Variants in NDUFAB1 observed in about 807,000 individuals in gnomAD.
NDUFAB1 encodes NADH:ubiquinone oxidoreductase subunit AB1, also known as acyl carrier protein, mitochondrial.
A neutral mutation model predicts 16.1 loss-of-function variants in NDUFAB1; 5 were observed. The ratio of observed to expected loss-of-function variants is 0.31; its 90% CI spans 0.16 to 0.65. The LOEUF is 0.65. Among genes scored for constraint, NDUFAB1 ranks in the 30% least tolerant of loss-of-function variants. The pLI, the probability that NDUFAB1 is intolerant of heterozygous loss-of-function variation, is 0.77. For missense variants in NDUFAB1, 187 were observed against 205.3 expected (o/e 0.91, Z 0.54); for synonymous variants, 85 against 78.4 (o/e 1.08, Z -0.44).
intron 1 of NDUFAB1, among the ~76,000 whole-genome samples, chr16:23,589,962 A>AAAAG (rs1567408991): frequency 2.3e-5 from 3 of 132,180 alleles, no homozygotes; most frequent in African/African-American, 8.7e-5. Context: ...AAAAAAAAAA[A>AAAAG]AAAGAAATGG....
intron 2 of NDUFAB1, among the ~76,000 whole-genome samples, chr16:23,586,730 C>A (rs1291892243): frequency 6.6e-6 from 1 of 152,094 alleles, no homozygotes; most frequent in African/African-American, 2.4e-5. Context: ...CTCACTGCAA[C>A]CTCCACCTCC....
At chr16:23,595,049 A>T (rs1966311942) in intron 1 of NDUFAB1, among the ~76,000 whole-genome samples, 1 of 151,918 alleles carries the variant, frequency 6.6e-6, no homozygotes, top group Admixed American at 6.6e-5. Context: ...TCGGGAGTTC[A>T]AGACCAACCT....
At position 23,584,254 on chromosome 16, in the gene NDUFAB1, T is replaced by TAAA. The variant is rs774895056; in HGVS notation, c.379+1081_379+1082insTTT. 9.0e-3 allele frequency among the ~76,000 whole-genome samples: 109 copies of TAAA among 12,116 alleles called. 10 individuals carry two copies. Among genetic ancestry groups the TAAA allele is most frequent in the African/African-American group, 0.018 (102 of 5,758 alleles). The allele number at this position is 12,116 out of a possible 152,430, so 7.9% of individuals were successfully genotyped here. ...GCGAGAAACACCCAAGAATGATCAA[T>TAAA]TAAAAAAAAAAAAAAAAAAAGAAAC... On this transcript the variant is annotated intron_variant, in intron 3 of 4. Coordinates refer to ENST00000007516, the MANE Select transcript of NDUFAB1 (RefSeq NM_005003.3).
chr16:23,583,482 G>A (rs974555824), intron 3 of NDUFAB1, among the ~76,000 whole-genome samples: 3 of 151,784 alleles, frequency 2.0e-5, no homozygotes, highest in Non-Finnish European at 4.4e-5. Context: ...CGTCTGAGAT[G>A]TGGGGAGCGC....
chr16:23,595,387 G>A (rs575836149), intron 1 of NDUFAB1: 1 of 363,400 alleles, frequency 2.8e-6, no homozygotes, highest in African/African-American at 2.1e-5. Context: ...GCGCAGATTG[G>A]TTCCAGGACC....
intron 1 of NDUFAB1, among the ~76,000 whole-genome samples, chr16:23,595,182 G>A (rs1966313288): frequency 6.6e-6 from 1 of 152,112 alleles, no homozygotes; most frequent in Non-Finnish European, 1.5e-5. Flanking sequence ...AACCTGAGAG[G>A]CGGAGGTTGC....
At chr16:23,582,550 C>T (rs112352512) in intron 3 of NDUFAB1, among the ~76,000 whole-genome samples, 175 bp from the exon 4 acceptor site, 64 of 149,212 alleles carry the variant, frequency 4.3e-4, no homozygotes, top group Middle Eastern at 3.4e-3. Context: ...AGGTTGGGTA[C>T]GATGCTTTGG....
chr16:23,584,650 TAC>T (rs1966218428), intron 3 of NDUFAB1, among the ~76,000 whole-genome samples: 3 of 152,304 alleles, frequency 2.0e-5, no homozygotes, highest in South Asian at 4.1e-4. Context: ...CTTTGAGAGA[TAC>T]AGTTACTTGT....
At position 23,586,617 on chromosome 16, in the gene NDUFAB1, G is replaced by A. The variant is rs1285941994; in HGVS notation, c.291+580C>T. Among the ~76,000 whole-genome samples, 5 of 151,850 alleles carry A rather than the reference G, an allele frequency of 3.3e-5. No individual in the cohort carries two copies. The East Asian group carries it at 9.7e-4, about 29-fold the overall frequency. ...CAAAGTGCTGGGATTACAGGCGTGA[G>A]CTACCACGCCCGGCCCCACTTGTGT... On this transcript the variant is annotated intron_variant, in intron 2 of 4. Transcript: ENST00000007516.
At chr16:23,587,076 A>C in intron 2 of NDUFAB1, 121 bp downstream of exon 2, 2 of 950,620 alleles carry the variant, frequency 2.1e-6, no homozygotes. Context: ...TATCTCCCAG[A>C]ATGGGCCTGG....
At chr16:23,584,254 T>TAAAAAAAAAAAAAAAAAAAAA (rs774895056) in intron 3 of NDUFAB1, among the ~76,000 whole-genome samples, 1 of 12,120 alleles carries the variant, frequency 8.3e-5, no homozygotes, top group Non-Finnish European at 2.3e-4. Context: ...GAATGATCAA[T>TAAAAAAAAAAAAAAAAAAAAA]TAAAAAAAAA....
intron 3 of NDUFAB1, among the ~76,000 whole-genome samples, chr16:23,584,422 C>T (rs773506649): frequency 7.3e-5 from 11 of 151,320 alleles, no homozygotes; most frequent in Non-Finnish European, 1.3e-4. Flanking sequence ...TTCTTTCACT[C>T]GGCACGTTCT....
rs570115261 is a variant in NDUFAB1, at chr16:23,588,099, A to T, written c.169-780T>A. 5.9e-5 allele frequency among the ~76,000 whole-genome samples: 9 copies of T among 152,330 alleles called. No individual in the cohort carries two copies. The South Asian group carries it at 1.9e-3, about 32-fold the overall frequency. ...CAGGTCAGGGGGTTTAATGCTGTGG[A>T]AGGTACGACGCAGAATCAGAGAAAA... is the stretch of plus-strand genomic sequence containing the variant. On this transcript the variant is annotated intron_variant, in intron 1 of 4. Transcript: ENST00000007516.
At chr16:23,584,973 C>T (rs1417708018) in intron 3 of NDUFAB1, among the ~76,000 whole-genome samples, 1 of 152,234 alleles carries the variant, frequency 6.6e-6, no homozygotes, top group Non-Finnish European at 1.5e-5. Context: ...ACCTGGTTCG[C>T]GTTACCCGAG....
chr16:23,584,332 G>A (rs958756023), intron 3 of NDUFAB1, among the ~76,000 whole-genome samples: 19 of 148,844 alleles, frequency 1.3e-4, no homozygotes, highest in Middle Eastern at 3.5e-3. Context: ...GCAACCACCC[G>A]TGTACTTTCT....
chr16:23,581,853 T>C (rs1966182395), intron 4 of NDUFAB1: 1 of 153,004 alleles, frequency 6.5e-6, no homozygotes, highest in African/African-American at 2.4e-5. Context: ...AAGCTGAGAA[T>C]AAACTTGGGT....
chr16:23,587,391 G>A, intron 1 of NDUFAB1, 72 bp from the exon 2 acceptor site: 1 of 1,565,668 alleles, frequency 6.4e-7, no homozygotes, highest in Non-Finnish European at 8.6e-7. Context: ...CAAGCCTATA[G>A]GTAACTTTCA....
At chr16:23,587,462 A>G (rs1156351442) in intron 1 of NDUFAB1, 143 bp from the exon 2 acceptor site, 5 of 1,054,498 alleles carry the variant, frequency 4.7e-6, no homozygotes, top group Admixed American at 5.7e-5. Context: ...CCACCAGGAC[A>G]CACTAAGTTG....
chr16:23,592,203 G>A (rs1966286054), intron 1 of NDUFAB1, among the ~76,000 whole-genome samples: 2 of 152,260 alleles, frequency 1.3e-5, no homozygotes, highest in South Asian at 4.1e-4. Context: ...ATGAGGTCAG[G>A]CGTGGTAGCG....
Sources: allele counts gnomAD v4.1 joint callset (sites outside exome capture counted in the v4.1 genomes callset), GRCh38; gene constraint gnomAD v4.1.1; transcripts MANE v1.5; gene names NCBI Gene and HGNC (gene_info 2026-07-23, HGNC 2026-07-21).